Variants in RPGR observed in about 807,000 individuals in gnomAD.
RPGR encodes the protein X-linked retinitis pigmentosa GTPase regulator.
Under a neutral mutation model 56.3 loss-of-function variants are expected in RPGR, and 10 were observed. The ratio of observed to expected loss-of-function variants is 0.18; its 90% CI spans 0.11 to 0.30. The LOEUF (loss-of-function observed/expected upper bound fraction) is 0.30. RPGR is among the 10% of genes least tolerant of loss of function. RPGR has a pLI of 1.00. For missense variants in RPGR, 538 were observed against 590.9 expected, an observed-to-expected ratio of 0.91 and a Z score of 0.93; for synonymous variants, 197 against 212.9, an observed-to-expected ratio of 0.93 and a Z score of 0.65.
Position 38,274,830 on chromosome X carries a change from A to T in RPGR, c.2149+259T>A, listed in dbSNP as rs753903497. On this transcript the variant is annotated intron_variant, in intron 17 of 18. Transcript: ENST00000642395. Reference sequence around the variant, plus strand: ...AACTCTGTCTCAAAAAAAAATAAAAAATTCCTTAACATTGACACATAAGTA... The same window carrying T: ...AACTCTGTCTCAAAAAAAAATAAAATATTCCTTAACATTGACACATAAGTA... 6.2e-4 allele frequency among the ~76,000 whole-genome samples: 69 copies of T among 111,859 alleles called. 1 individual carries two copies. The highest frequency in any genetic ancestry group is 1.7e-4 in the Non-Finnish European group (9 of 53,165).
intron 18 of RPGR, chrX:38,269,911 T>A (rs2066805967): frequency 1.4e-6 from 1 of 690,171 alleles, no homozygotes; most frequent in Admixed American, 2.6e-5. Context: ...GGATATCATT[T>A]TCAACACGTA....
At chrX:38,279,912 T>A (rs1054623745) in intron 15 of RPGR, among the ~76,000 whole-genome samples, 26 of 97,931 alleles carry the variant, frequency 2.7e-4, no homozygotes, top group Middle Eastern at 4.3e-3. Flanking sequence ...AAGTATATAT[T>A]TTTTTTTTGG....
chrX:38,284,381 T>A (rs1336745927), intron 15 of RPGR, 27 bp downstream of exon 15: 20 of 643,536 alleles, frequency 3.1e-5, no homozygotes, highest in Non-Finnish European at 3.7e-5. Flanking sequence ...AGACAGTTTA[T>A]CTTTTCATAA....
chrX:38,322,725 C>T (rs751673388), intron 3 of RPGR, 128 bp downstream of exon 3: 1 of 523,472 alleles, frequency 1.9e-6, no homozygotes, highest in Admixed American at 3.3e-5. Context: ...AAGTTAAATG[C>T]TAATAATATT....
At chrX:38,270,362 C>T (rs773618703) in intron 18 of RPGR, among the ~76,000 whole-genome samples, 71 of 107,394 alleles carry the variant, frequency 6.6e-4, no homozygotes, top group African/African-American at 2.2e-3. Context: ...TGCCTGTAAT[C>T]CCAGCACTTT....
At chrX:38,283,863 T>C (rs1292285934) in intron 15 of RPGR, among the ~76,000 whole-genome samples, 2 of 111,980 alleles carry the variant, frequency 1.8e-5, no homozygotes, top group Non-Finnish European at 3.8e-5. Flanking sequence ...ATCTTAATTA[T>C]TTTAAATCTA....
chrX:38,285,402 C>CT, intron 15 of RPGR: 7 of 1,103,441 alleles, frequency 6.3e-6, no homozygotes, highest in Non-Finnish European at 8.2e-6. Flanking sequence ...CTTAACACAG[C>CT]TGCATCAGTT....
rs1555964133 is a variant in RPGR at position 38,297,324 on chromosome X, ACT to A, written c.1372_1373del (p.Ser458CysfsTer4). ...GCATGAGGTCCTGTTCAGATAAGAC[ACT>A]CTCTTGGAGGTTTCTCTCAGAACAT... On this transcript the variant is annotated frameshift_variant, in exon 11 of 19. Transcript: ENST00000642395. LOFTEE classifies it high-confidence loss of function. 8.3e-7 allele frequency: 1 copy of A among 1,210,184 alleles called. No individual in the cohort carries two copies. The highest frequency in any genetic ancestry group is 1.1e-6 in the Non-Finnish European group (1 of 895,033).
rs754591475 is a variant in RPGR at position 38,287,269 on chromosome X, T to C, written c.1754-24A>G. 5.8e-6 allele frequency: 7 copies of C among 1,205,842 alleles called. No individual in the cohort carries two copies. In the Admixed American group the frequency reaches 1.5e-4, roughly 26 times the overall value. On this transcript the variant is annotated intron_variant, in intron 14 of 18. Coordinates refer to ENST00000642395, the MANE Select transcript of RPGR (RefSeq NM_000328.3). ...CTCTGACAAGCGATCACATTTAAAA[T>C]CATACTTTGCCATGGATTTGGATAT...
intron 5 of RPGR, chrX:38,317,735 T>C (rs1218988642): frequency 3.8e-6 from 1 of 265,917 alleles, no homozygotes; most frequent in Non-Finnish European, 6.6e-6. Context: ...AAAGACAGAA[T>C]GCCCTTTCCT....
intron 7 of RPGR, among the ~76,000 whole-genome samples, chrX:38,306,201 C>T (rs929161699): frequency 8.1e-5 from 9 of 111,696 alleles, no homozygotes; most frequent in Non-Finnish European, 1.7e-4. Flanking sequence ...GCAGGAAGGG[C>T]AAGAGCTTGT....
chrX:38,280,837 G>A (rs774464867), intron 15 of RPGR, among the ~76,000 whole-genome samples: 218 of 106,423 alleles, frequency 2.0e-3, no homozygotes, highest in African/African-American at 7.6e-3. Context: ...GCCTGGCTGA[G>A]AAACTTTTTA....
chrX:38,314,833 T>C (rs1433668893), intron 6 of RPGR, among the ~76,000 whole-genome samples: 1 of 111,954 alleles, frequency 8.9e-6, no homozygotes, highest in African/African-American at 3.2e-5. Context: ...TATTAGGAAA[T>C]AAACTATTCT....
chrX:38,281,751 A>AACCACCACC (rs887413624), intron 15 of RPGR, among the ~76,000 whole-genome samples: 1 of 111,413 alleles, frequency 9.0e-6, no homozygotes, highest in East Asian at 2.8e-4. Context: ...GTCAAATAAC[A>AACCACCACC]ACCACCACCA....
chrX:38,291,988 C>T (rs770664998), intron 11 of RPGR, among the ~76,000 whole-genome samples: 93 of 111,442 alleles, frequency 8.3e-4, no homozygotes, highest in Middle Eastern at 9.4e-3. Context: ...TCTCTCTCTC[C>T]CCCTCCACCC....
intron 11 of RPGR, among the ~76,000 whole-genome samples, chrX:38,293,063 G>A (rs1018320096): frequency 8.9e-6 from 1 of 112,086 alleles, no homozygotes; most frequent in African/African-American, 3.2e-5. Flanking sequence ...TAGAAATTAA[G>A]TTTCAGTGAC....
rs764009509 is a variant in RPGR, at chrX:38,288,029, T to G, written c.1585A>C (p.Ile529Leu). 8.3e-7 allele frequency: 1 copy of G among 1,208,494 alleles called. No homozygotes were observed. The highest frequency in any genetic ancestry group is 3.0e-5 in the East Asian group (1 of 33,830). ...GCTGTATCCTGCGTCAGTTCCCCAA[T>G]TGTTTGTTGTTTCTGTAAATTTTTT... is the stretch of plus-strand genomic sequence containing the variant. The change falls in exon 14 of 19, where the codon ATT becomes CTT. Residue 529 changes from isoleucine (I) to leucine (L), a missense_variant. Ile to Leu is a conservative substitution (Grantham distance 5). Coordinates refer to ENST00000642395, the MANE Select transcript of RPGR (RefSeq NM_000328.3).
chrX:38,286,557 T>C lies in RPGR; in HGVS notation c.1905+537A>G. On this transcript the variant is annotated intron_variant, in intron 15 of 18. Coordinates refer to ENST00000642395, the MANE Select transcript of RPGR (RefSeq NM_000328.3). The stretch of plus-strand genomic sequence containing the variant: ...TCCCCTCCTCTACTTCCCCTCCCTC[T>C]ACTTCCCCTCCCTCCTCTTTTTCCT... 3.0e-6 allele frequency: 2 copies of C among 669,810 alleles called. No individual in the cohort carries two copies. Among genetic ancestry groups the C allele is most frequent in the Admixed American group, 4.2e-5 (1 of 23,965 alleles). 55.2% of individuals were successfully genotyped at this position (669,810 alleles called of 1,213,427 possible). A position where few individuals can be genotyped will look rare whatever the true frequency, so the allele number is the denominator to read the frequency against.
intron 15 of RPGR, chrX:38,276,910 A>C: frequency 1.9e-6 from 1 of 516,620 alleles, no homozygotes; most frequent in Non-Finnish European, 3.2e-6. Flanking sequence ...GCCGAAGAAA[A>C]AAATACTGTA....
Sources: allele counts gnomAD v4.1 joint callset (sites outside exome capture counted in the v4.1 genomes callset), GRCh38; gene constraint gnomAD v4.1.1; transcripts MANE v1.5; gene names NCBI Gene and HGNC (gene_info 2026-07-23, HGNC 2026-07-21).